The following PLD5 variants were observed in gnomAD, a reference collection of about 807,000 sequenced individuals.
PLD5 encodes the protein phospholipase D family member 5.
A neutral mutation model predicts 61.1 loss-of-function variants in PLD5; 36 were observed. The observed-to-expected ratio is 0.59, with a 90% CI of 0.45 to 0.78. The LOEUF (loss-of-function observed/expected upper bound fraction) is 0.78. Ranked by LOEUF, PLD5 falls within the 30% of genes least tolerant of loss-of-function variation. The pLI is 0.00. For missense variants in PLD5, 515 were observed against 644.4 expected, an observed-to-expected ratio of 0.80 and a Z score of 2.17; for synonymous variants, 243 against 242.8, an observed-to-expected ratio of 1.00 and a Z score of -0.01.
intron 4 of PLD5, among the ~76,000 whole-genome samples, chr1:242,236,599 T>C (rs1051034155): frequency 3.3e-5 from 5 of 152,132 alleles, no homozygotes; most frequent in African/African-American, 1.2e-4. Flanking sequence ...AAAATTTAAA[T>C]ACTATTAAGA....
intron 2 of PLD5, among the ~76,000 whole-genome samples, chr1:242,300,281 A>T (rs189393930): frequency 5.3e-5 from 8 of 152,218 alleles, no homozygotes; most frequent in Admixed American, 2.0e-4. Context: ...TCTACTGAAA[A>T]TACAAAAAAA....
chr1:242,286,461 A>T (rs900072862), intron 3 of PLD5, among the ~76,000 whole-genome samples: 7 of 152,200 alleles, frequency 4.6e-5, no homozygotes, highest in African/African-American at 1.7e-4. Context: ...TACCAGGGTG[A>T]GAAAATAGCC....
At position 242,351,191 on chromosome 1, in the gene PLD5, G is replaced by A. The variant is rs150483506; in HGVS notation, c.190-2949C>T. The stretch of plus-strand genomic sequence containing the variant: ...GCCGGGATTACAGGCATGAGCAACC[G>A]CGCCCGGCCCTGTTTTATTCTTTCT... On this transcript the variant is annotated intron_variant, in intron 1 of 9. Transcript: ENST00000536534. Among the ~76,000 whole-genome samples, 6 of 152,186 alleles carry A rather than the reference G, an allele frequency of 3.9e-5. No individual in the cohort carries two copies. In the East Asian group the frequency reaches 7.7e-4, roughly 20 times the overall value.
intron 1 of PLD5, among the ~76,000 whole-genome samples, chr1:242,417,288 T>C (rs535462785): frequency 2.0e-5 from 3 of 152,074 alleles, no homozygotes; most frequent in Non-Finnish European, 2.9e-5. Context: ...CTGGACCAAA[T>C]TGAGGACTAG....
rs752944359 is a variant in PLD5, at chr1:242,220,129, G to C, written c.608-14C>G. The stretch of plus-strand genomic sequence containing the variant: ...TCACCTCGGCTCCTAGGAGTTCAAG[G>C]ACAGTCTGGTCAGCCTCTGCGTCAA... On this transcript the variant is annotated splice_polypyrimidine_tract_variant and intron_variant, in intron 4 of 9. Coordinates refer to ENST00000536534, the MANE Select transcript of PLD5 (RefSeq NM_001372062.1). The C allele has an allele frequency of 1.9e-6, 3 of 1,613,770 alleles. No individual in the cohort carries two copies. Among genetic ancestry groups the C allele is most frequent in the Non-Finnish European group, 2.5e-6 (3 of 1,179,780 alleles).
At chr1:242,194,175 C>T (rs1668456716) in intron 5 of PLD5, among the ~76,000 whole-genome samples, 1 of 152,136 alleles carries the variant, frequency 6.6e-6, no homozygotes, top group Middle Eastern at 3.2e-3. Flanking sequence ...CTGGGAATGC[C>T]TCGTCCCAGA....
chr1:242,267,572 C>G (rs979071581), intron 3 of PLD5, among the ~76,000 whole-genome samples: 2 of 152,142 alleles, frequency 1.3e-5, no homozygotes, highest in Admixed American at 6.5e-5. Context: ...GTGCATCAGA[C>G]AGTTATTAAC....
chr1:242,177,290 C>G (rs12094958), intron 5 of PLD5, among the ~76,000 whole-genome samples: 13,593 of 152,076 alleles, frequency 0.089, 773 homozygotes, highest in African/African-American at 0.16. Context: ...CTGGAAACCA[C>G]CATTCTCATC....
At chr1:242,238,698 T>C (rs1335568793) in intron 4 of PLD5, among the ~76,000 whole-genome samples, 2 of 152,224 alleles carry the variant, frequency 1.3e-5, no homozygotes, top group Admixed American at 6.5e-5. Context: ...TGTGAAGTCA[T>C]AGAACGCTTA....
intron 5 of PLD5, among the ~76,000 whole-genome samples, chr1:242,152,610 GT>G (rs771378604): frequency 9.2e-5 from 14 of 152,032 alleles, no homozygotes; most frequent in Non-Finnish European, 1.9e-4. Context: ...GTGATGTTTG[GT>G]TTTCTGTTCT....
chr1:242,478,309 G>A (rs1325308524), intron 1 of PLD5, among the ~76,000 whole-genome samples: 3 of 152,076 alleles, frequency 2.0e-5, no homozygotes, highest in Non-Finnish European at 4.4e-5. Context: ...ACTGTGTTCT[G>A]CTCTTACTTG....
intron 5 of PLD5, among the ~76,000 whole-genome samples, chr1:242,198,070 CTGAATGAATGAATGAA>C (rs58830670): frequency 1.3e-5 from 2 of 150,382 alleles, no homozygotes; most frequent in Non-Finnish European, 3.0e-5. Flanking sequence ...CAAATCCTTG[CTGAATGAATGAATGAA>C]TGAATGAATG....
chr1:242,300,225 G>C (rs1675945224), intron 2 of PLD5, among the ~76,000 whole-genome samples: 1 of 152,088 alleles, frequency 6.6e-6, no homozygotes, highest in Non-Finnish European at 1.5e-5. Context: ...GATCACCTGA[G>C]GTCAGGAGTT....
chr1:242,215,455 T>C (rs1574535769), intron 5 of PLD5, among the ~76,000 whole-genome samples: 1 of 152,310 alleles, frequency 6.6e-6, no homozygotes, highest in South Asian at 2.1e-4. Context: ...TTACCCTTAA[T>C]TTTTAAAATT....
chr1:242,313,265 C>T (rs574888786), intron 2 of PLD5, among the ~76,000 whole-genome samples: 1 of 152,318 alleles, frequency 6.6e-6, no homozygotes, highest in East Asian at 1.9e-4. Context: ...CCTTCCCCAA[C>T]ACACCCACAA....
intron 5 of PLD5, among the ~76,000 whole-genome samples, chr1:242,171,549 C>G (rs1666748269): frequency 6.6e-6 from 1 of 151,998 alleles, no homozygotes; most frequent in Admixed American, 6.6e-5. Flanking sequence ...CAATATTAAC[C>G]TTAAATGTAA....
At chr1:242,140,690 A>T (rs1384113673) in intron 5 of PLD5, among the ~76,000 whole-genome samples, 1 of 152,018 alleles carries the variant, frequency 6.6e-6, no homozygotes, top group East Asian at 1.9e-4. Flanking sequence ...TGGTGCAAGG[A>T]CCCGCCACCA....
At chr1:242,263,283 T>A (rs1673476519) in intron 4 of PLD5, among the ~76,000 whole-genome samples, 1 of 151,612 alleles carries the variant, frequency 6.6e-6, no homozygotes, top group African/African-American at 2.4e-5. Context: ...ATGGCTTATT[T>A]TATATTTACC....
At chr1:242,402,127 G>T (rs543960664) in intron 1 of PLD5, among the ~76,000 whole-genome samples, 16 of 152,306 alleles carry the variant, frequency 1.1e-4, no homozygotes, top group African/African-American at 3.4e-4. Flanking sequence ...CATTCATGCC[G>T]AGAGAATGAT....
Sources: allele counts gnomAD v4.1 joint callset (sites outside exome capture counted in the v4.1 genomes callset), GRCh38; gene constraint gnomAD v4.1.1; transcripts MANE v1.5; gene names NCBI Gene and HGNC (gene_info 2026-07-23, HGNC 2026-07-21).